The following BRAF variants were observed in gnomAD, a reference collection of about 807,000 sequenced individuals.
BRAF encodes the protein B-Raf proto-oncogene, serine/threonine kinase.
Under a neutral mutation model 104.6 loss-of-function variants are expected in BRAF, and 16 were observed. The ratio of observed to expected loss-of-function variants is 0.15; its 90% confidence interval spans 0.10 to 0.23. The LOEUF (loss-of-function observed/expected upper bound fraction) is 0.23. Ranked by LOEUF, BRAF falls within the 10% of genes least tolerant of loss-of-function variation. BRAF has a pLI of 1.00. For synonymous variants in BRAF, 310 were observed against 341.6 expected (o/e 0.91, Z 1.02); for missense variants, 541 against 937.3 (o/e 0.58, Z 5.52).
chr7:140,826,564 G>C (rs554972779), intron 3 of BRAF, among the ~76,000 whole-genome samples: 4 of 152,224 alleles, frequency 2.6e-5, no homozygotes, highest in African/African-American at 9.6e-5. Context: ...AATTGGGAGG[G>C]GCACAGGAGA....
intron 3 of BRAF, among the ~76,000 whole-genome samples, chr7:140,826,762 A>G (rs992324181): frequency 5.3e-5 from 8 of 152,212 alleles, no homozygotes; most frequent in African/African-American, 1.9e-4. Context: ...TATACATGTA[A>G]TTCCTAAGAA....
intron 3 of BRAF, among the ~76,000 whole-genome samples, chr7:140,833,198 C>T (rs1415168594): frequency 1.3e-5 from 2 of 152,068 alleles, no homozygotes; most frequent in Non-Finnish European, 2.9e-5. Context: ...GCTAGTTAAA[C>T]TTAATCATTA....
rs148213662 is a variant in BRAF at position 140,728,969 on chromosome 7, T to C, written c.2402-2453A>G. Among the ~76,000 whole-genome samples the C allele has an allele frequency of 8.6e-4, 128 of 148,530 alleles. 2 individuals carry two copies. Among genetic ancestry groups the C allele is most frequent in the African/African-American group, 2.8e-3 (111 of 39,904 alleles). ...GGTTGGGCACAGTGGTTCACGCCTA[T>C]AATCCCAGCACTTCAGGAGGCCGAG... On this transcript the variant is annotated intron_variant, in intron 19 of 19. Transcript: ENST00000644969.
At chr7:140,825,281 C>A (rs1396667855) in intron 3 of BRAF, among the ~76,000 whole-genome samples, 1 of 152,118 alleles carries the variant, frequency 6.6e-6, no homozygotes, top group East Asian at 1.9e-4. Context: ...TGTTTTCTTA[C>A]TATTGAGCTT....
chr7:140,733,930 G>A (rs894581269), intron 19 of BRAF: 19 of 860,040 alleles, frequency 2.2e-5, no homozygotes, highest in Admixed American at 1.8e-4. Flanking sequence ...ACATTTTCCC[G>A]CTAAAAATCC....
chr7:140,799,929 TG>T (rs1003501106), intron 7 of BRAF: 1 of 329,336 alleles, frequency 3.0e-6, no homozygotes, highest in African/African-American at 2.1e-5. Context: ...TTTTCAGGAC[TG>T]GTTCTGAAAT....
rs1795493344 is a variant in BRAF, at chr7:140,724,501, G to C, written c.*1993C>G. ...GAATTTTGTAAGACACTGCCCTGCT[G>C]ATGTAAAACTTAAAAACAAATTTGC... On this transcript the variant is annotated 3_prime_UTR_variant, in exon 20 of 20. Coordinates refer to ENST00000644969, the MANE Select transcript of BRAF (RefSeq NM_001374258.1). The C allele has an allele frequency of 8.6e-6, 9 of 1,051,356 alleles. No individual in the cohort carries two copies. The highest frequency in any genetic ancestry group is 1.0e-5 in the Non-Finnish European group (9 of 870,630). 65.1% of individuals were successfully genotyped at this position (1,051,356 alleles called of 1,614,324 possible). A position where few individuals can be genotyped will look rare whatever the true frequency, so the allele number is the denominator to read the frequency against.
intron 2 of BRAF, among the ~76,000 whole-genome samples, chr7:140,841,415 A>G (rs534891572): frequency 1.3e-5 from 2 of 152,346 alleles, no homozygotes; most frequent in Admixed American, 6.5e-5. Flanking sequence ...AAATGAAAAT[A>G]TATCTACACA....
At position 140,924,607 on chromosome 7, in the gene BRAF, C is replaced by G. The variant is rs1458837905; in HGVS notation, c.97G>C (p.Ala33Pro). ...MEPEAGAGAGAAASSAADPAI... is the reference protein window; with the variant it reads ...MEPEAGAGAGPAASSAADPAI... ...GGGTCCGCAGCCGAAGAGGCCGCGG[C>G]GCCGGCGCCGGCGCCGGCCTCGGGC... Residue 33 changes from alanine (A) to proline (P), a missense_variant, in exon 1 of 20, where the codon GCC becomes CCC. By Grantham distance (27) the Ala-to-Pro change is conservative (BLOSUM62 -1). Transcript: ENST00000644969. This position sits in a 1 kb window ranked among gnomAD's most constrained non-coding sequence, Gnocchi z 4.2. 4 of 1,526,574 alleles carry G rather than the reference C, an allele frequency of 2.6e-6. No individual in the cohort carries two copies. The highest frequency in any genetic ancestry group is 1.4e-5 in the African/African-American group (1 of 72,094). The allele number at this position is 1,526,574 out of a possible 1,614,324, so 94.6% of individuals were successfully genotyped here.
Position 140,720,032 on chromosome 7 carries a change from C to T in BRAF, c.*6462G>A. The T allele has an allele frequency of 1.9e-6, 2 of 1,061,582 alleles. No individual in the cohort carries two copies. The highest frequency in any genetic ancestry group is 2.3e-6 in the Non-Finnish European group (2 of 876,946). The allele number at this position is 1,061,582 out of a possible 1,614,324, so 65.8% of individuals were successfully genotyped here. ...AGTCATGTCCTCAAACCAAGGAATACATGAAAAGGGGGGATTTCCTTTTTC... is the reference window on the plus strand; with the variant it reads ...AGTCATGTCCTCAAACCAAGGAATATATGAAAAGGGGGGATTTCCTTTTTC... On this transcript the variant is annotated 3_prime_UTR_variant, in exon 20 of 20. Transcript: ENST00000644969.
At chr7:140,905,221 GTTAC>G (rs1426903349) in intron 1 of BRAF, among the ~76,000 whole-genome samples, 5 of 152,116 alleles carry the variant, frequency 3.3e-5, no homozygotes, top group African/African-American at 1.2e-4. Context: ...TCTTATACCA[GTTAC>G]TTAAAGAGCT....
At chr7:140,846,294 A>T (rs558245557) in intron 2 of BRAF, among the ~76,000 whole-genome samples, 22 of 152,250 alleles carry the variant, frequency 1.4e-4, no homozygotes, top group Non-Finnish European at 3.1e-4. Context: ...TGGTAAATAC[A>T]TACAATGAAT....
intron 1 of BRAF, among the ~76,000 whole-genome samples, chr7:140,906,518 T>C (rs1320414378): frequency 1.3e-5 from 2 of 152,252 alleles, no homozygotes; most frequent in African/African-American, 4.8e-5. Context: ...ACTAGTACTT[T>C]ATACAGTCAA....
intron 14 of BRAF, among the ~76,000 whole-genome samples, chr7:140,767,289 C>A (rs567129880): frequency 2.0e-5 from 3 of 152,116 alleles, no homozygotes; most frequent in Non-Finnish European, 4.4e-5. Flanking sequence ...CAGGCATGAA[C>A]CACCGTGCCC....
rs563091707 is a variant in BRAF, at chr7:140,737,508, T to C, written c.2247+2304A>G. ...TCATATTCCCTTTGCCCATTTTCTA[T>C]TGTTTGTTACTTATTGATTTGGAGG... On this transcript the variant is annotated intron_variant, in intron 18 of 19. Transcript: ENST00000644969. Among the ~76,000 whole-genome samples, 5 of 152,380 alleles carry C rather than the reference T, an allele frequency of 3.3e-5. No individual in the cohort carries two copies. In the South Asian group the frequency reaches 1.0e-3, roughly 32 times the overall value.
chr7:140,825,517 T>C (rs1411004338), intron 3 of BRAF, among the ~76,000 whole-genome samples: 1 of 152,228 alleles, frequency 6.6e-6, no homozygotes, highest in East Asian at 1.9e-4. Flanking sequence ...TTCTGTAGTG[T>C]TTTCTTCTGC....
intron 14 of BRAF, among the ~76,000 whole-genome samples, chr7:140,763,780 G>C (rs1285622249): frequency 6.6e-6 from 1 of 152,136 alleles, no homozygotes; most frequent in East Asian, 1.9e-4. Flanking sequence ...ACCAATAACA[G>C]GATCTCAAAT....
intron 1 of BRAF, among the ~76,000 whole-genome samples, chr7:140,901,832 T>G (rs1815672721): frequency 1.3e-5 from 2 of 152,360 alleles, no homozygotes; most frequent in Admixed American, 6.5e-5. Flanking sequence ...GGGGCACACT[T>G]TCATCACAGT....
chr7:140,892,446 A>G (rs891783137), intron 1 of BRAF, among the ~76,000 whole-genome samples: 6 of 152,202 alleles, frequency 3.9e-5, no homozygotes, highest in Non-Finnish European at 7.3e-5. Flanking sequence ...CAGAAATCAA[A>G]TAAGATTTAG....
Sources: allele counts gnomAD v4.1 joint callset (sites outside exome capture counted in the v4.1 genomes callset), GRCh38; gene constraint gnomAD v4.1.1; non-coding constraint Gnocchi (gnomAD v3.1); transcripts MANE v1.5; gene names NCBI Gene and HGNC (gene_info 2026-07-23, HGNC 2026-07-21).